The following KLHDC4 variants were observed in gnomAD, a reference collection of about 807,000 sequenced individuals.
The protein encoded by KLHDC4 is kelch domain containing 4.
In KLHDC4, 90 loss-of-function variants were observed where a neutral mutation model predicts 62.4. The ratio of observed to expected loss-of-function variants is 1.44; its 90% CI spans 1.22 to 1.72. The LOEUF (loss-of-function observed/expected upper bound fraction) is 1.72. Among genes scored for constraint, KLHDC4 ranks in the 40% most tolerant of loss-of-function variants. The pLI is 0.00. For missense variants in KLHDC4, 1,025 were observed against 699.7 expected (o/e 1.47, Z -5.25); for synonymous variants, 386 against 284.4 (o/e 1.36, Z -3.59).
intron 2 of KLHDC4, among the ~76,000 whole-genome samples, chr16:87,759,304 G>A (rs2045503737): frequency 6.6e-6 from 1 of 151,898 alleles, no homozygotes; most frequent in Admixed American, 6.6e-5. Flanking sequence ...GGAGGCCAAG[G>A]CAGTTGGATC....
In KLHDC4 at chr16:87,756,387, T is replaced by A; in HGVS notation, c.270+12A>T. 1 of 1,592,304 alleles carries A rather than the reference T, an allele frequency of 6.3e-7. No homozygotes were observed. The highest frequency in any genetic ancestry group is 8.6e-7 in the Non-Finnish European group (1 of 1,160,606). ...GCAACATGGGAAGAAAAGAAAAAAA[T>A]ATATACTTTACTTTTTGGCCGTTGA... On this transcript the variant is annotated intron_variant, in intron 3 of 11. Transcript: ENST00000270583.
intron 4 of KLHDC4, among the ~76,000 whole-genome samples, chr16:87,752,829 C>A (rs2044239047): frequency 6.6e-6 from 1 of 152,212 alleles, no homozygotes; most frequent in Non-Finnish European, 1.5e-5. Context: ...CGGAGACCCA[C>A]AGATAAAACT....
In KLHDC4 at chr16:87,709,376, C is replaced by A. The variant is rs150593777; in HGVS notation, c.1336G>T (p.Val446Phe). 3 of 1,613,378 alleles carry A rather than the reference C, an allele frequency of 1.9e-6. No individual in the cohort carries two copies. Among genetic ancestry groups the A allele is most frequent in the Non-Finnish European group, 2.5e-6 (3 of 1,179,950 alleles). ...MLAVKHGVLY[V>F]YGGMFEAGDR... ...CCGGCCTCAAACATGCCCCCATAGA[C>A]GTAGAGCACCCCATGCTTCACAGCC... is the stretch of plus-strand genomic sequence containing the variant. The change falls in exon 10 of 12, where the codon GTC (valine) becomes TTC (phenylalanine). Residue 446 changes from valine (V) to phenylalanine (F), a missense_variant. Transcript: ENST00000270583.
chr16:87,736,926 A>G (rs2041414279), intron 5 of KLHDC4, among the ~76,000 whole-genome samples: 1 of 151,740 alleles, frequency 6.6e-6, no homozygotes, highest in African/African-American at 2.4e-5. Flanking sequence ...GGAGTTCGAG[A>G]CCAGCCTGGC....
At chr16:87,751,341 G>A (rs2043895610) in intron 4 of KLHDC4, among the ~76,000 whole-genome samples, 3 of 152,116 alleles carry the variant, frequency 2.0e-5, no homozygotes. Flanking sequence ...AGACGTGGTG[G>A]CATGCGCCTG....
intron 5 of KLHDC4, among the ~76,000 whole-genome samples, chr16:87,734,897 CAAGAA>C (rs1485154292): frequency 1.3e-5 from 2 of 151,916 alleles, no homozygotes; most frequent in African/African-American, 4.8e-5. Context: ...ACATGCGGAG[CAAGAA>C]AAGAACGCCC....
At chr16:87,756,061 A>C (rs1170247002) in intron 3 of KLHDC4, 1 of 200,052 alleles carries the variant, frequency 5.0e-6, no homozygotes, top group Non-Finnish European at 1.0e-5. Flanking sequence ...TCCGTGTTTA[A>C]GACAACCTGA....
chr16:87,726,214 G>A (rs1283024589), intron 7 of KLHDC4, among the ~76,000 whole-genome samples: 2 of 134,816 alleles, frequency 1.5e-5, no homozygotes, highest in African/African-American at 5.5e-5. Flanking sequence ...CGCCTCGCCC[G>A]TCTCCCCACG....
intron 9 of KLHDC4, chr16:87,709,985 G>A: frequency 2.8e-6 from 1 of 352,660 alleles, no homozygotes; most frequent in East Asian, 4.7e-5. Flanking sequence ...CAGGGCACCA[G>A]CCCCACAGGC....
chr16:87,750,635 C>G (rs116605432), intron 4 of KLHDC4, among the ~76,000 whole-genome samples: 7 of 152,188 alleles, frequency 4.6e-5, no homozygotes, highest in Admixed American at 1.3e-4. Flanking sequence ...AGGTCAAGTG[C>G]GCCTCGGGTG....
chr16:87,707,145 C>T (rs977540790), downstream of KLHDC4, among the ~76,000 whole-genome samples: 1 of 152,254 alleles, frequency 6.6e-6, no homozygotes, highest in Admixed American at 6.5e-5. Flanking sequence ...CCCAATTATG[C>T]AAATCCGAAT....
intron 5 of KLHDC4, among the ~76,000 whole-genome samples, chr16:87,745,012 A>C (rs544733111): frequency 6.6e-6 from 1 of 152,348 alleles, no homozygotes; most frequent in African/African-American, 2.4e-5. Flanking sequence ...GTACACATGC[A>C]GGCTTTTTTC....
In KLHDC4 at chr16:87,708,034, C is replaced by T. The variant is rs763712359; in HGVS notation, c.*43G>A. 7.2e-5 allele frequency: 37 copies of T among 516,082 alleles called. 1 individual carries two copies. The highest frequency in any genetic ancestry group is 3.1e-4 in the South Asian group (20 of 65,090). The allele number at this position is 516,082 out of a possible 1,614,324, so 32.0% of individuals were successfully genotyped here. ...TCAACACGGCTGGGTCCTGGGCGGACGTGGGCACAGCACTTGCCAGGCGCC... is the reference window on the plus strand; with the variant it reads ...TCAACACGGCTGGGTCCTGGGCGGATGTGGGCACAGCACTTGCCAGGCGCC... On this transcript the variant is annotated 3_prime_UTR_variant, in exon 12 of 12. Transcript: ENST00000270583.
chr16:87,765,750 G>C, intron 1 of KLHDC4, 42 bp downstream of exon 1: 3 of 1,534,224 alleles, frequency 2.0e-6, no homozygotes, highest in Non-Finnish European at 2.6e-6. Context: ...GAGGCTGCAC[G>C]GCCGCGACGT....
rs1358837492 is a variant in KLHDC4, at chr16:87,755,391, T to G, written c.271-99A>C. 1.0e-5 allele frequency: 7 copies of G among 688,418 alleles called. No homozygotes were observed. The East Asian group carries it at 1.8e-4, about 18-fold the overall frequency. 42.6% of individuals were successfully genotyped at this position (688,418 alleles called of 1,614,324 possible). ...ATGACAATTCCCTGGGAAACTGACA[T>G]GCTAAAGGAATGTAAACCATACCAG... On this transcript the variant is annotated intron_variant, in intron 3 of 11. Transcript: ENST00000270583.
intron 10 of KLHDC4, among the ~76,000 whole-genome samples, chr16:87,708,861 A>C (rs921852350): frequency 9.2e-5 from 14 of 152,256 alleles, no homozygotes; most frequent in Non-Finnish European, 1.8e-4. Context: ...ACTCGATCCC[A>C]GCAGCAGTTG....
At chr16:87,699,329 G>A (rs990734778) in exon 1 of KLHDC4, 35 of 152,242 alleles carry the variant, frequency 2.3e-4, no homozygotes, top group African/African-American at 8.2e-4. Flanking sequence ...TACCTCACAG[G>A]ATTCCCAAAG....
At chr16:87,721,596 G>A (rs541469613) in intron 7 of KLHDC4, among the ~76,000 whole-genome samples, 17 of 152,220 alleles carry the variant, frequency 1.1e-4, no homozygotes, top group African/African-American at 3.6e-4. Flanking sequence ...AGGTGAGCAC[G>A]GAGCTCTGGC....
intron 7 of KLHDC4, among the ~76,000 whole-genome samples, chr16:87,718,611 A>G (rs888564383): frequency 1.3e-5 from 2 of 151,538 alleles, no homozygotes; most frequent in African/African-American, 4.9e-5. Flanking sequence ...TTGGCCTCCC[A>G]AAGTGCTGAG....
Sources: gnomAD v4.1 joint callset for allele counts (sites outside exome capture counted in the v4.1 genomes callset) on GRCh38, gnomAD v4.1.1 for gene constraint, MANE v1.5 for transcripts, NCBI Gene and HGNC (gene_info 2026-07-23, HGNC 2026-07-21) for gene names.